Variants in RPS6KA2 observed in about 807,000 individuals in gnomAD.
RPS6KA2 encodes the protein ribosomal protein S6 kinase A2, also known as ribosomal protein S6 kinase alpha-2.
RPS6KA2 carries 42 observed loss-of-function variants against 91.8 expected under a neutral mutation model. The observed-to-expected ratio is 0.46, with a 90% confidence interval of 0.36 to 0.59. The LOEUF is 0.59. RPS6KA2 is among the 20% of genes least tolerant of loss of function. RPS6KA2 has a pLI of 0.00. For synonymous variants in RPS6KA2, 414 were observed against 393.6 expected, an observed-to-expected ratio of 1.05 and a Z score of -0.61; for missense variants, 798 against 978.5, an observed-to-expected ratio of 0.82 and a Z score of 2.46.
chr6:166,652,096 T>C (rs891142779), intron 2 of RPS6KA2, among the ~76,000 whole-genome samples: 1 of 152,262 alleles, frequency 6.6e-6, no homozygotes, highest in Non-Finnish European at 1.5e-5. Context: ...TACTGTTTTT[T>C]GAACATCTTC....
intron 2 of RPS6KA2, among the ~76,000 whole-genome samples, chr6:166,685,232 A>G (rs1788973981): frequency 6.7e-6 from 1 of 148,858 alleles, no homozygotes; most frequent in Non-Finnish European, 1.5e-5. Flanking sequence ...GTGTGTATGC[A>G]GGCTGGGAGG....
intron 2 of RPS6KA2, among the ~76,000 whole-genome samples, chr6:166,789,628 G>T (rs1165053296): frequency 6.6e-6 from 1 of 152,222 alleles, no homozygotes; most frequent in African/African-American, 2.4e-5. Context: ...GGGGCAGACT[G>T]ACACCTCACA....
intron 11 of RPS6KA2, among the ~76,000 whole-genome samples, chr6:166,466,737 TACTG>T (rs1327533580): frequency 6.6e-6 from 1 of 152,190 alleles, no homozygotes; most frequent in Non-Finnish European, 1.5e-5. Flanking sequence ...TTCACTGACT[TACTG>T]ACTCATTCAC....
At chr6:166,436,612 G>T (rs751246338) in intron 14 of RPS6KA2, among the ~76,000 whole-genome samples, 2 of 152,236 alleles carry the variant, frequency 1.3e-5, no homozygotes, top group African/African-American at 4.8e-5. Context: ...TGTCTGTCTC[G>T]CACTAGCAGA....
At chr6:166,824,701 CTGTGTG>C (rs372922737) in intron 2 of RPS6KA2, among the ~76,000 whole-genome samples, 6 of 111,062 alleles carry the variant, frequency 5.4e-5, no homozygotes, top group Admixed American at 2.8e-4. Flanking sequence ...GTGTCTGTGT[CTGTGTG>C]TGTGTGTCTG....
chr6:166,703,217 G>C (rs1461925686), intron 2 of RPS6KA2, among the ~76,000 whole-genome samples: 1 of 152,180 alleles, frequency 6.6e-6, no homozygotes, highest in Admixed American at 6.5e-5. Flanking sequence ...ATTCGTATAT[G>C]GATGTCAATG....
intron 1 of RPS6KA2, among the ~76,000 whole-genome samples, chr6:166,551,747 G>C (rs925985004): frequency 2.6e-5 from 4 of 152,150 alleles, no homozygotes; most frequent in African/African-American, 9.7e-5. Context: ...AGCCCACCAG[G>C]CACCTGATCA....
At position 166,423,540 on chromosome 6, in the gene RPS6KA2, G is replaced by A; in HGVS notation, c.1582-123C>T. On this transcript the variant is annotated intron_variant, in intron 16 of 20. Transcript: ENST00000265678. This position sits in a 1 kb window ranked among gnomAD's most constrained non-coding sequence, Gnocchi z 4.8. ...TCTTCCTAGCAGGTCCTGCAAGCAG[G>A]CAACAGGCCAACAGTGTCAACAGCT... 1.1e-6 allele frequency: 1 copy of A among 894,408 alleles called. No individual in the cohort carries two copies. The highest frequency in any genetic ancestry group is 2.7e-5 in the East Asian group (1 of 37,260). 55.4% of individuals were successfully genotyped at this position (894,408 alleles called of 1,614,324 possible).
intron 10 of RPS6KA2, among the ~76,000 whole-genome samples, chr6:166,480,300 G>A (rs75696702): frequency 2.0e-5 from 3 of 151,822 alleles, no homozygotes; most frequent in East Asian, 1.9e-4. Context: ...GAAATATCAC[G>A]AAGAAATGTA....
At chr6:166,620,833 GA>G (rs1786599339) in intron 1 of RPS6KA2, among the ~76,000 whole-genome samples, 1 of 152,348 alleles carries the variant, frequency 6.6e-6, no homozygotes, top group Non-Finnish European at 1.5e-5. Context: ...CAGGTGCTCA[GA>G]AGGATTCAGT....
rs908735885 is a variant in RPS6KA2 at position 166,530,884 on chromosome 6, C to T, written c.298+348G>A. On this transcript the variant is annotated intron_variant, in intron 3 of 20. Coordinates refer to ENST00000265678, the MANE Select transcript of RPS6KA2 (RefSeq NM_021135.6). ...CGTTGTATTTAAAACCGAGTGAGGC[C>T]GTCGGCCTGCCGGTATCGAGGCTGG... Among the ~76,000 whole-genome samples the T allele has an allele frequency of 5.9e-5, 9 of 152,356 alleles. No individual in the cohort carries two copies. In the East Asian group the frequency reaches 1.7e-3, roughly 29 times the overall value.
chr6:166,756,940 A>C (rs1433223708), intron 2 of RPS6KA2, among the ~76,000 whole-genome samples: 1 of 152,210 alleles, frequency 6.6e-6, no homozygotes, highest in East Asian at 1.9e-4. Flanking sequence ...ACAGAGCTTC[A>C]GTTTGGGATG....
At chr6:166,848,309 G>A (rs977658130) in intron 2 of RPS6KA2, among the ~76,000 whole-genome samples, 2 of 152,174 alleles carry the variant, frequency 1.3e-5, no homozygotes, top group African/African-American at 4.8e-5. Flanking sequence ...CACTGTTGGT[G>A]GAAATGTATA....
At chr6:166,827,363 A>C (rs1031475190) in intron 2 of RPS6KA2, among the ~76,000 whole-genome samples, 2 of 151,708 alleles carry the variant, frequency 1.3e-5, no homozygotes, top group African/African-American at 4.8e-5. Flanking sequence ...ATGTGTATAT[A>C]TCTACAATGG....
intron 2 of RPS6KA2, among the ~76,000 whole-genome samples, chr6:166,660,355 C>T (rs1482354381): frequency 9.7e-5 from 12 of 123,562 alleles, no homozygotes; most frequent in East Asian, 9.5e-4. Context: ...TTGGTGTGTG[C>T]GTGCGTGTGT....
intron 2 of RPS6KA2, among the ~76,000 whole-genome samples, chr6:166,799,564 T>A (rs1408231173): frequency 6.7e-6 from 1 of 150,228 alleles, no homozygotes; most frequent in Non-Finnish European, 1.5e-5. Flanking sequence ...CAAAAAAAAT[T>A]GCATGCTCAG....
intron 2 of RPS6KA2, among the ~76,000 whole-genome samples, chr6:166,692,593 A>T (rs1042495543): frequency 6.6e-6 from 1 of 152,242 alleles, no homozygotes; most frequent in African/African-American, 2.4e-5. Flanking sequence ...ATGCTAAAAA[A>T]ACCTACTCTA....
At chr6:166,580,482 G>A (rs529059643) in intron 1 of RPS6KA2, among the ~76,000 whole-genome samples, 4 of 152,354 alleles carry the variant, frequency 2.6e-5, no homozygotes, top group African/African-American at 9.6e-5. Flanking sequence ...TGAGCTTTAA[G>A]AAAAGAAAGG....
At chr6:166,757,224 A>G (rs1329722045) in intron 2 of RPS6KA2, among the ~76,000 whole-genome samples, 1 of 152,198 alleles carries the variant, frequency 6.6e-6, no homozygotes, top group East Asian at 1.9e-4. Context: ...TTGCAGAAAA[A>G]TTACGGACAC....
Sources: allele counts gnomAD v4.1 joint callset (sites outside exome capture counted in the v4.1 genomes callset), GRCh38; gene constraint gnomAD v4.1.1; non-coding constraint Gnocchi (gnomAD v3.1); transcripts MANE v1.5; gene names NCBI Gene and HGNC (gene_info 2026-07-23, HGNC 2026-07-21).